RABGEF1: variants seen among roughly 807,000 people sequenced by gnomAD.
The protein encoded by RABGEF1 is RAB guanine nucleotide exchange factor 1.
RABGEF1 carries 26 observed loss-of-function variants against 57.3 expected under a neutral mutation model. The observed-to-expected ratio is 0.45, with a 90% confidence interval of 0.33 to 0.63. The LOEUF (loss-of-function observed/expected upper bound fraction) is 0.63, where lower values mean the gene tolerates loss of function less well. Ranked by LOEUF, RABGEF1 falls within the 20% of genes least tolerant of loss-of-function variation. The pLI is 0.02. For missense variants in RABGEF1, 464 were observed against 607.6 expected, an observed-to-expected ratio of 0.76 and a Z score of 2.48; for synonymous variants, 185 against 210.7, an observed-to-expected ratio of 0.88 and a Z score of 1.06.
chr7:66,687,727 C>T (rs1790904040), intron 1 of RABGEF1, among the ~76,000 whole-genome samples: 1 of 152,070 alleles, frequency 6.6e-6, no homozygotes, highest in African/African-American at 2.4e-5. Flanking sequence ...TACAGACTTA[C>T]TTTAGATACA....
chr7:66,658,897 G>A, the RABGEF1 span, among the ~76,000 whole-genome samples: 4 of 151,890 alleles, frequency 2.6e-5, no homozygotes, highest in Non-Finnish European at 5.9e-5. Flanking sequence ...CACAACGCCC[G>A]GCTAATTTTT....
chr7:66,661,625 A>G, the RABGEF1 span, among the ~76,000 whole-genome samples: 1 of 152,210 alleles, frequency 6.6e-6, no homozygotes, highest in Admixed American at 6.5e-5. Flanking sequence ...TAAATTACTA[A>G]TTAAAATCCT....
intron 1 of RABGEF1, among the ~76,000 whole-genome samples, chr7:66,765,416 T>G (rs1805450388): frequency 6.6e-6 from 1 of 152,106 alleles, no homozygotes; most frequent in African/African-American, 2.4e-5. Flanking sequence ...TTTCTAGCTC[T>G]TAAAGAGCAT....
intron 1 of RABGEF1, chr7:66,770,518 C>T (rs1806827774): frequency 6.6e-6 from 1 of 152,232 alleles, no homozygotes; most frequent in Non-Finnish European, 1.5e-5. Context: ...AGGCCTCGCT[C>T]TGTCACCCAG....
the RABGEF1 span, chr7:66,665,433 T>TG: frequency 6.6e-6 from 1 of 152,078 alleles, no homozygotes; most frequent in Non-Finnish European, 1.5e-5. Flanking sequence ...CGTGAGCCAC[T>TG]GCACCTGGCC....
Position 66,786,226 on chromosome 7 carries a change from C to T in RABGEF1, c.513+2385C>T, listed in dbSNP as rs193099294. Among the ~76,000 whole-genome samples, 34 of 152,274 alleles carry T rather than the reference C, an allele frequency of 2.2e-4. No homozygotes were observed. In the East Asian group the frequency reaches 4.4e-3, roughly 20 times the overall value. On this transcript the variant is annotated intron_variant, in intron 4 of 8. Transcript: ENST00000284957. ...CAAGTCTAGAAAATTAAATCTTTTC[C>T]GAACTGCATTAAAATTTTTAAGCCA...
chr7:66,698,888 C>T (rs1438476587), intron 1 of RABGEF1, among the ~76,000 whole-genome samples: 2 of 152,278 alleles, frequency 1.3e-5, no homozygotes, highest in East Asian at 3.9e-4. Flanking sequence ...ACAGGGACAC[C>T]TACAGCAGGG....
intron 1 of RABGEF1, among the ~76,000 whole-genome samples, chr7:66,745,794 C>G (rs1211365303): frequency 6.7e-6 from 1 of 148,746 alleles, no homozygotes; most frequent in South Asian, 2.1e-4. Context: ...AAAGTGATCA[C>G]ACTAAAACCA....
the RABGEF1 span, among the ~76,000 whole-genome samples, chr7:66,667,240 T>C: frequency 1.3e-5 from 2 of 152,178 alleles, no homozygotes; most frequent in Admixed American, 6.5e-5. Flanking sequence ...TGGCACGGGC[T>C]GAGACTCAGG....
At chr7:66,741,210 C>G (rs922682235) in intron 1 of RABGEF1, among the ~76,000 whole-genome samples, 27 of 152,198 alleles carry the variant, frequency 1.8e-4, no homozygotes, top group Admixed American at 9.2e-4. Context: ...ACAACCTCCC[C>G]GGAAAGCGCT....
chr7:66,765,668 A>G (rs755139492), intron 1 of RABGEF1, among the ~76,000 whole-genome samples: 12 of 152,176 alleles, frequency 7.9e-5, no homozygotes, highest in Non-Finnish European at 1.3e-4. Flanking sequence ...TACTCAGACC[A>G]CTTGATAGAA....
intron 7 of RABGEF1, among the ~76,000 whole-genome samples, chr7:66,800,929 G>A (rs1187339329): frequency 1.3e-5 from 2 of 152,202 alleles, no homozygotes; most frequent in African/African-American, 4.8e-5. Context: ...TGAATAGTGG[G>A]ACTCGATAGG....
chr7:66,688,267 A>C (rs1390808369), intron 1 of RABGEF1, among the ~76,000 whole-genome samples: 2 of 152,148 alleles, frequency 1.3e-5, no homozygotes, highest in East Asian at 3.8e-4. Context: ...AGAGCACCAA[A>C]ACATATGAAG....
At chr7:66,805,456 T>A (rs1481302776) in intron 8 of RABGEF1, 60 bp downstream of exon 8, 5 of 1,597,558 alleles carry the variant, frequency 3.1e-6, no homozygotes, top group Non-Finnish European at 4.3e-6. Context: ...GTTTTGGGGA[T>A]GTGACAGGTC....
intron 5 of RABGEF1, among the ~76,000 whole-genome samples, chr7:66,795,937 G>C (rs556197225): frequency 2.6e-5 from 4 of 152,216 alleles, no homozygotes; most frequent in African/African-American, 9.6e-5. Context: ...CCAGGAGTTC[G>C]AGACCAGCCT....
chr7:66,696,689 CAAAAAAAAAA>C (rs71049476), intron 1 of RABGEF1, among the ~76,000 whole-genome samples: 3 of 66,330 alleles, frequency 4.5e-5, no homozygotes, highest in African/African-American at 2.0e-4. Context: ...GACTCCGTCT[CAAAAAAAAAA>C]AAAAAAAAAA....
In RABGEF1 at chr7:66,702,347, TTGTGTGTGTGTGTGTGTGTGTGTG is replaced by T. The variant is rs58655312; in HGVS notation, c.-872-9800_-872-9777del. Among the ~76,000 whole-genome samples, 5 of 143,888 alleles carry T rather than the reference TTGTGTGTGTGTGTGTGTGTGTGTG, an allele frequency of 3.5e-5. No homozygotes were observed. In the Admixed American group the frequency reaches 3.5e-4, roughly 10 times the overall value. The allele number at this position is 143,888 out of a possible 152,430, so 94.4% of individuals were successfully genotyped here. On this transcript the variant is annotated intron_variant and NMD_transcript_variant, in intron 1 of 9. Transcript: ENST00000607882. ...TTCCACCTTCTGGCTATTGTTTTGT[TTGTGTGTGTGTGTGTGTGTGTGTG>T]TGTGTGTGTGTGTGTGTGTCAGCTC...
chr7:66,724,541 G>A (rs1796394518), intron 2 of RABGEF1, among the ~76,000 whole-genome samples: 1 of 152,044 alleles, frequency 6.6e-6, no homozygotes. Context: ...TGTATTTTTA[G>A]TAGAGACAGG....
At chr7:66,670,773 G>A in the RABGEF1 span, among the ~76,000 whole-genome samples, 1 of 152,012 alleles carries the variant, frequency 6.6e-6, no homozygotes, top group Non-Finnish European at 1.5e-5. Flanking sequence ...TTGAACCCGG[G>A]AAGCAGAGGT....
Sources: gnomAD v4.1 joint callset for allele counts (sites outside exome capture counted in the v4.1 genomes callset) on GRCh38, gnomAD v4.1.1 for gene constraint, MANE v1.5 for transcripts, NCBI Gene and HGNC (gene_info 2026-07-23, HGNC 2026-07-21) for gene names.